The following GTF3C4 variants were observed in gnomAD, a reference collection of about 807,000 sequenced individuals.
The protein encoded by GTF3C4 is general transcription factor IIIC subunit 4.
Under a neutral mutation model 67.5 loss-of-function variants are expected in GTF3C4, and 28 were observed. That is an observed-to-expected ratio of 0.41 (90% CI 0.31 to 0.57). GTF3C4 has a LOEUF of 0.57. GTF3C4 is among the 20% of genes least tolerant of loss of function. The pLI is 0.21. For synonymous variants in GTF3C4, 409 were observed against 393.0 expected (o/e 1.04, Z -0.48); for missense variants, 831 against 1,033.2 (o/e 0.80, Z 2.68).
chr9:132,682,425 TA>T (rs1835959645), intron 2 of GTF3C4, among the ~76,000 whole-genome samples: 1 of 152,126 alleles, frequency 6.6e-6, no homozygotes, highest in African/African-American at 2.4e-5. Context: ...CATAAGAGGT[TA>T]AGCAGAAATG....
chr9:132,688,712 T>C (rs1452899498), intron 4 of GTF3C4, among the ~76,000 whole-genome samples, 169 bp from the exon 5 acceptor site: 3 of 152,230 alleles, frequency 2.0e-5, no homozygotes, highest in East Asian at 1.9e-4. Context: ...TTTGGAATGA[T>C]AGAAACCGAA....
chr9:132,692,010 G>A lies in GTF3C4; in HGVS notation c.*3065G>A, dbSNP rs1836122306. The A allele has an allele frequency of 6.6e-6, 1 of 152,198 alleles. No homozygotes were observed. Among genetic ancestry groups the A allele is most frequent in the African/African-American group, 2.4e-5 (1 of 41,444 alleles). The allele number at this position is 152,198 out of a possible 1,614,324, so 9.4% of individuals were successfully genotyped here. ...TGGTGCTTAAGAGAATTACAATACT[G>A]GTTTTATGAGCATCTTTTCTCTGCA... On this transcript the variant is annotated 3_prime_UTR_variant, in exon 5 of 5. Transcript: ENST00000372146.
At chr9:132,671,733 A>G (rs997822927) in intron 1 of GTF3C4, among the ~76,000 whole-genome samples, 2 of 152,196 alleles carry the variant, frequency 1.3e-5, no homozygotes, top group Non-Finnish European at 2.9e-5. Context: ...GTATATTCAT[A>G]CATTCAATAG....
intron 1 of GTF3C4, among the ~76,000 whole-genome samples, chr9:132,673,504 C>T (rs1331281504): frequency 6.6e-6 from 1 of 151,518 alleles, no homozygotes; most frequent in Non-Finnish European, 1.5e-5. Flanking sequence ...GCTGAGTTGA[C>T]CCTGCAGTTC....
rs1836132933 is a variant in GTF3C4 at position 132,692,477 on chromosome 9, C to A, written c.*3532C>A. ...ACCACCTGTTTCCCCTCACTCCCACCCCCAGCCAATATTCTTCATAAGCAA... is the reference window on the plus strand; with the variant it reads ...ACCACCTGTTTCCCCTCACTCCCACACCCAGCCAATATTCTTCATAAGCAA... On this transcript the variant is annotated 3_prime_UTR_variant, in exon 5 of 5. Transcript: ENST00000372146. 6.6e-6 allele frequency: 1 copy of A among 152,088 alleles called. No individual in the cohort carries two copies. Among genetic ancestry groups the A allele is most frequent in the Non-Finnish European group, 1.5e-5 (1 of 68,026 alleles). The allele number at this position is 152,088 out of a possible 1,614,324, so 9.4% of individuals were successfully genotyped here.
At position 132,689,302 on chromosome 9, in the gene GTF3C4, C is replaced by CTG; in HGVS notation, c.*358_*359insGT. 2 of 219,494 alleles carry CTG rather than the reference C, an allele frequency of 9.1e-6. No individual in the cohort carries two copies. The highest frequency in any genetic ancestry group is 9.4e-6 in the Non-Finnish European group (1 of 106,476). 13.6% of individuals were successfully genotyped at this position (219,494 alleles called of 1,614,324 possible). A position where few individuals can be genotyped will look rare whatever the true frequency, so the allele number is the denominator to read the frequency against. On this transcript the variant is annotated 3_prime_UTR_variant, in exon 5 of 5. Transcript: ENST00000372146. ...AAACAGAATGGTCTCTTCTAGAGAGCTTGGATAAGGACCTTGCTGGGTTGA... is the reference window on the plus strand; with the variant it reads ...AAACAGAATGGTCTCTTCTAGAGAGCTGTTGGATAAGGACCTTGCTGGGTTGA...
rs368685808 is a variant in GTF3C4 at position 132,685,547 on chromosome 9, C to T, written c.2316-1692C>T. Among the ~76,000 whole-genome samples, 29 of 147,234 alleles carry T rather than the reference C, an allele frequency of 2.0e-4. 1 individual carries two copies. The South Asian group carries it at 2.6e-3, about 13-fold the overall frequency. On this transcript the variant is annotated intron_variant, in intron 3 of 4. Transcript: ENST00000372146. Reference sequence around the variant, plus strand: ...TTTTTTTGAGATGGGGAGATGAGGTCTCACTATGTTGCCCATGGCAGACTC... The same window carrying T: ...TTTTTTTGAGATGGGGAGATGAGGTTTCACTATGTTGCCCATGGCAGACTC...
At chr9:132,670,089 G>T (rs761280467), upstream of GTF3C4, 1 of 1,563,018 alleles carries the variant, frequency 6.4e-7, no homozygotes, top group Non-Finnish European at 8.7e-7. Flanking sequence ...GGGAGCCGGG[G>T]ACGGCGGCAC....
At position 132,678,812 on chromosome 9, in the gene GTF3C4, A is replaced by G; in HGVS notation, c.1193A>G (p.Tyr398Cys). 2 of 1,614,156 alleles carry G rather than the reference A, an allele frequency of 1.2e-6. No homozygotes were observed. Among genetic ancestry groups the G allele is most frequent in the Admixed American group, 1.7e-5 (1 of 60,016 alleles). ...CSLVVAARGS[Y>C]VFWCLLLISK... ...TTAGTAGTGGCTGCAAGAGGCTCTT[A>G]TGTATTTTGGTGTCTTCTTCTGATC... The change falls in exon 2 of 5, where the codon TAT becomes TGT. Residue 398 changes from tyrosine to cysteine, a missense_variant. This residue lies in a region of GTF3C4 where 390 missense variants were observed against 540.3 expected (regional missense o/e 0.72). Transcript: ENST00000372146. The surrounding 1 kb of genome is among the most constrained non-coding windows in gnomAD (Gnocchi z 6.5).
Position 132,670,765 on chromosome 9 carries a change from C to A in GTF3C4, c.167C>A (p.Pro56Gln). 6.4e-7 allele frequency: 1 copy of A among 1,567,048 alleles called. No homozygotes were observed. The highest frequency in any genetic ancestry group is 8.6e-7 in the Non-Finnish European group (1 of 1,162,344). ...AFRLMVTRRE[P>Q]AVKLQYAVSG... ...CGCCTCATGGTGACTCGGCGGGAGC[C>A]GGCCGTGAAGCTGCAGTATGCGGTG... Residue 56 changes from proline to glutamine, a missense_variant, in exon 1 of 5, where the codon CCG becomes CAG. Pro to Gln is a moderately conservative substitution (Grantham distance 76, BLOSUM62 -1). Around this residue, in one of 4 missense-constraint regions of GTF3C4, gnomAD observed 237 missense variants for 212.7 expected, o/e 1.11. Coordinates refer to ENST00000372146, the MANE Select transcript of GTF3C4 (RefSeq NM_012204.4).
At position 132,680,981 on chromosome 9, in the gene GTF3C4, G is replaced by A. The variant is rs1342813863; in HGVS notation, c.2184+1178G>A. Reference sequence around the variant, plus strand: ...AAATTAGCCGGGTGTGGTGGCGGGCGCCTGTAATCCCAGCTACTTGGGAGG... The same window carrying A: ...AAATTAGCCGGGTGTGGTGGCGGGCACCTGTAATCCCAGCTACTTGGGAGG... On this transcript the variant is annotated intron_variant, in intron 2 of 4. Coordinates refer to ENST00000372146, the MANE Select transcript of GTF3C4 (RefSeq NM_012204.4). 7.2e-5 allele frequency among the ~76,000 whole-genome samples: 11 copies of A among 152,270 alleles called. No individual in the cohort carries two copies. In the Middle Eastern group the frequency reaches 0.01, roughly 141 times the overall value.
At chr9:132,685,294 T>C (rs1836008760) in intron 3 of GTF3C4, among the ~76,000 whole-genome samples, 1 of 152,108 alleles carries the variant, frequency 6.6e-6, no homozygotes, top group Non-Finnish European at 1.5e-5. Context: ...GTGCTGGAAC[T>C]ACAGGCGTGA....
At chr9:132,682,678 C>T (rs144801607) in intron 2 of GTF3C4, among the ~76,000 whole-genome samples, 3,470 of 144,952 alleles carry the variant, frequency 0.024, 141 homozygotes, top group African/African-American at 0.081. Context: ...AATCTCGGCT[C>T]ACTGCAACCT....
Position 132,693,577 on chromosome 9 carries a change from T to C in GTF3C4, c.*4632T>C, listed in dbSNP as rs1388502044. 2 of 152,192 alleles carry C rather than the reference T, an allele frequency of 1.3e-5. No homozygotes were observed. The highest frequency in any genetic ancestry group is 2.9e-5 in the Non-Finnish European group (2 of 68,028). The allele number at this position is 152,192 out of a possible 1,614,324, so 9.4% of individuals were successfully genotyped here. A position where few individuals can be genotyped will look rare whatever the true frequency, so the allele number is the denominator to read the frequency against. On this transcript the variant is annotated 3_prime_UTR_variant, in exon 5 of 5. Coordinates refer to ENST00000372146, the MANE Select transcript of GTF3C4 (RefSeq NM_012204.4). Reference sequence around the variant, plus strand: ...AAATGGGTTGGTTAGAATTAAAGTTTAGAACTCTAAATCTTATGCTTATTT... The same window carrying C: ...AAATGGGTTGGTTAGAATTAAAGTTCAGAACTCTAAATCTTATGCTTATTT...
intron 2 of GTF3C4, among the ~76,000 whole-genome samples, chr9:132,680,757 G>C (rs1835929094): frequency 6.6e-6 from 1 of 152,224 alleles, no homozygotes; most frequent in Non-Finnish European, 1.5e-5. Context: ...TAGAATGTTT[G>C]CAATGGTCTT....
In GTF3C4 at chr9:132,678,583, G is replaced by A. The variant is rs750226686; in HGVS notation, c.964G>A (p.Glu322Lys). 6.2e-7 allele frequency: 1 copy of A among 1,614,198 alleles called. No homozygotes were observed. Among genetic ancestry groups the A allele is most frequent in the Non-Finnish European group, 8.5e-7 (1 of 1,180,036 alleles). ...CAGTGTATTGTTTTGGTGGGAATAT[G>A]AGCACAATAATCGAAAAATGAGTGG... ...SPSVLFWWEY[E>K]HNNRKMSGLI... Residue 322 changes from glutamate to lysine, a missense_variant, in exon 2 of 5, where the codon GAG becomes AAG. By Grantham distance (56) the Glu-to-Lys change is moderately conservative. Transcript: ENST00000372146. This position sits in a 1 kb window ranked among gnomAD's most constrained non-coding sequence, Gnocchi z 6.5.
In GTF3C4 at chr9:132,681,455, A is replaced by C. The variant is rs368043799; in HGVS notation, c.2184+1652A>C. 3.9e-4 allele frequency among the ~76,000 whole-genome samples: 60 copies of C among 152,318 alleles called. 2 individuals carry two copies. In the South Asian group the frequency reaches 0.011, roughly 28 times the overall value. On this transcript the variant is annotated intron_variant, in intron 2 of 4. Coordinates refer to ENST00000372146, the MANE Select transcript of GTF3C4 (RefSeq NM_012204.4). The stretch of plus-strand genomic sequence containing the variant: ...ATATGCATAAAATGAAGACTTTTTA[A>C]ACCTAGGATGTTGGCTTATTAGCAG...
chr9:132,688,827 T>G lies in GTF3C4; in HGVS notation c.2405-54T>G, dbSNP rs929370781. ...ACGCTACAGTCCGGTATTCATCCCT[T>G]TTGACTGTCTTTTCCGAAGCTAACA... On this transcript the variant is annotated intron_variant, in intron 4 of 4. Transcript: ENST00000372146. 3 of 1,330,298 alleles carry G rather than the reference T, an allele frequency of 2.3e-6. No individual in the cohort carries two copies. The African/African-American group carries it at 4.3e-5, about 19-fold the overall frequency. 82.4% of individuals were successfully genotyped at this position (1,330,298 alleles called of 1,614,324 possible).
Position 132,670,541 on chromosome 9 carries a change from A to G in GTF3C4, c.-58A>G, listed in dbSNP as rs1187603037. Reference sequence around the variant, plus strand: ...CTGGGGGTGGCGGCGGCGGTCCGGGAGGTGGTCGCGCGACTGCGTGGAGCG... The same window carrying G: ...CTGGGGGTGGCGGCGGCGGTCCGGGGGGTGGTCGCGCGACTGCGTGGAGCG... On this transcript the variant is annotated 5_prime_UTR_variant, in exon 1 of 5. Transcript: ENST00000372146. 3.2e-6 allele frequency: 4 copies of G among 1,263,198 alleles called. No homozygotes were observed. Among genetic ancestry groups the G allele is most frequent in the Non-Finnish European group, 4.2e-6 (4 of 960,308 alleles). 78.2% of individuals were successfully genotyped at this position (1,263,198 alleles called of 1,614,324 possible).
Sources: gnomAD v4.1 joint callset for allele counts (sites outside exome capture counted in the v4.1 genomes callset) on GRCh38, gnomAD v4.1.1 for gene constraint, gnomAD v4.1.1 regional missense constraint, Gnocchi (gnomAD v3.1) non-coding constraint, MANE v1.5 for transcripts, NCBI Gene and HGNC (gene_info 2026-07-23, HGNC 2026-07-21) for gene names.